Variants in PLA2R1 observed in about 807,000 individuals in gnomAD.
The protein encoded by PLA2R1 is secretory phospholipase A2 receptor.
A neutral mutation model predicts 195.9 loss-of-function variants in PLA2R1; 158 were observed. That is an observed-to-expected ratio of 0.81 (90% CI 0.71 to 0.92). The LOEUF (loss-of-function observed/expected upper bound fraction) is 0.92. Among genes scored for constraint, PLA2R1 ranks in the 40% least tolerant of loss-of-function variants. The pLI is 0.00. For missense variants in PLA2R1, 1,626 were observed against 1,764.6 expected (o/e 0.92, Z 1.41); for synonymous variants, 586 against 598.2 (o/e 0.98, Z 0.30).
chr2:159,998,393 T>C (rs1275500055), intron 11 of PLA2R1, among the ~76,000 whole-genome samples: 1 of 152,152 alleles, frequency 6.6e-6, no homozygotes, highest in Non-Finnish European at 1.5e-5. Context: ...AGAGATTAAA[T>C]AACTTCCCTG....
At chr2:159,945,232 T>C (rs1468025513) in intron 27 of PLA2R1, 150 bp from the exon 28 acceptor site, 5 of 270,954 alleles carry the variant, frequency 1.8e-5, no homozygotes, top group African/African-American at 4.5e-5. Context: ...AGTTTTAGGG[T>C]ACATGTGCAC....
In PLA2R1 at chr2:159,971,506, T is replaced by A. The variant is rs567021412; in HGVS notation, c.2596-1294A>T. 6.6e-5 allele frequency among the ~76,000 whole-genome samples: 10 copies of A among 151,628 alleles called. No homozygotes were observed. In the South Asian group the frequency reaches 2.1e-3, roughly 32 times the overall value. ...CACACACATACACACACACACACATTAGGGCAGATGTACTGACTTATGACC... is the reference window on the plus strand; with the variant it reads ...CACACACATACACACACACACACATAAGGGCAGATGTACTGACTTATGACC... On this transcript the variant is annotated intron_variant, in intron 17 of 29. Coordinates refer to ENST00000283243, the MANE Select transcript of PLA2R1 (RefSeq NM_007366.5).
In PLA2R1 at chr2:160,020,189, AAG is replaced by A. The variant is rs1693015901; in HGVS notation, c.1367_1368del (p.Ser456PhefsTer6). 3.7e-6 allele frequency: 6 copies of A among 1,608,536 alleles called. No homozygotes were observed. Among genetic ancestry groups the A allele is most frequent in the Non-Finnish European group, 5.1e-6 (6 of 1,175,002 alleles). ...GTGTGCCAATTAGTAAAGATGACTG[AAG>A]AGTCATTAGACCATTCAAAGGAAAC... ...IPVSFEWSNDSSVIFTNWHTL... is the reference protein window; with the variant it reads ...IPVSFEWSNDXSVIFTNWHTL... On this transcript the variant is annotated frameshift_variant, in exon 8 of 30. Coordinates refer to ENST00000283243, the MANE Select transcript of PLA2R1 (RefSeq NM_007366.5). LOFTEE classifies it high-confidence loss of function.
intron 20 of PLA2R1, among the ~76,000 whole-genome samples, chr2:159,967,317 A>C (rs1688855110): frequency 6.6e-6 from 1 of 152,212 alleles, no homozygotes; most frequent in Non-Finnish European, 1.5e-5. Context: ...AACTGAGTAT[A>C]GAAACGAGGG....
At chr2:160,024,287 T>G (rs60471867) in intron 6 of PLA2R1, among the ~76,000 whole-genome samples, 2 of 152,136 alleles carry the variant, frequency 1.3e-5, no homozygotes, top group Non-Finnish European at 1.5e-5. Context: ...ACCATCCCCA[T>G]GCCAAGCTGC....
intron 26 of PLA2R1, 104 bp downstream of exon 26, chr2:159,947,315 C>A: frequency 9.9e-7 from 1 of 1,005,846 alleles, no homozygotes; most frequent in East Asian, 2.5e-5. Context: ...TTTTGTTGCT[C>A]CTAAAGTCAC....
downstream of PLA2R1, among the ~76,000 whole-genome samples, chr2:159,928,335 T>C (rs1686529427): frequency 6.6e-6 from 1 of 152,194 alleles, no homozygotes; most frequent in Non-Finnish European, 1.5e-5. Context: ...CCTACAGCAA[T>C]GTTCCAGAGC....
chr2:159,962,818 A>C (rs1688537457), intron 20 of PLA2R1, among the ~76,000 whole-genome samples: 1 of 152,110 alleles, frequency 6.6e-6, no homozygotes, highest in Non-Finnish European at 1.5e-5. Flanking sequence ...CTCACTCATA[A>C]GTGGGAGCTA....
intron 9 of PLA2R1, among the ~76,000 whole-genome samples, chr2:160,013,666 CCTCTCTCTTTCTCTCTCT>C (rs1304439982): frequency 2.1e-5 from 2 of 95,108 alleles, no homozygotes; most frequent in Non-Finnish European, 2.5e-5. Context: ...AAGATCTCTA[CCTCTCTCTTTCTCTCTCT>C]CTCTCTCTCT....
intron 12 of PLA2R1, among the ~76,000 whole-genome samples, chr2:159,984,711 G>A (rs1317358188): frequency 2.6e-5 from 4 of 152,204 alleles, no homozygotes; most frequent in Non-Finnish European, 5.9e-5. Flanking sequence ...GTGGCAGGAA[G>A]AAGCCAGATG....
intron 9 of PLA2R1, 40 bp downstream of exon 9, chr2:160,016,574 G>T: frequency 1.1e-6 from 1 of 920,726 alleles, no homozygotes; most frequent in Non-Finnish European, 1.8e-6. Context: ...TTCTAGCTAT[G>T]AAGTCCCTGT....
rs1230354090 is a variant in PLA2R1, at chr2:159,939,532, A to C, written c.*2246T>G. 2 of 151,968 alleles carry C rather than the reference A, an allele frequency of 1.3e-5. No homozygotes were observed. Among genetic ancestry groups the C allele is most frequent in the East Asian group, 3.8e-4 (2 of 5,196 alleles). 9.4% of individuals were successfully genotyped at this position (151,968 alleles called of 1,614,324 possible). A position where few individuals can be genotyped will look rare whatever the true frequency, so the allele number is the denominator to read the frequency against. ...AAAAAAAAAAAAAAAAATGAAAAAA[A>C]GTTTCAAAAAAAATGCAAATATAAA... On this transcript the variant is annotated 3_prime_UTR_variant, in exon 30 of 30. Transcript: ENST00000283243.
intron 23 of PLA2R1, among the ~76,000 whole-genome samples, chr2:159,954,292 A>G (rs1255279896): frequency 6.6e-6 from 1 of 151,442 alleles, no homozygotes; most frequent in Non-Finnish European, 1.5e-5. Flanking sequence ...GCATGCTCAT[A>G]TTATTTCTTT....
chr2:159,938,887 G>A lies in PLA2R1; in HGVS notation c.*2891C>T, dbSNP rs1009947102. ...CTTCAAGAGAAGAAATATTTAACCCGAAAGAAGACTGTTGTAACTGTAAGA... is the reference window on the plus strand; with the variant it reads ...CTTCAAGAGAAGAAATATTTAACCCAAAAGAAGACTGTTGTAACTGTAAGA... On this transcript the variant is annotated 3_prime_UTR_variant, in exon 30 of 30. Transcript: ENST00000283243. 5.3e-5 allele frequency: 8 copies of A among 152,172 alleles called. No homozygotes were observed. The highest frequency in any genetic ancestry group is 3.4e-3 in the Middle Eastern group (1 of 294). 9.4% of individuals were successfully genotyped at this position (152,172 alleles called of 1,614,324 possible). A position where few individuals can be genotyped will look rare whatever the true frequency, so the allele number is the denominator to read the frequency against.
In PLA2R1 at chr2:160,020,348, A is replaced by AC. The variant is rs541731730; in HGVS notation, c.1295-86dup. On this transcript the variant is annotated intron_variant, in intron 7 of 29. Transcript: ENST00000283243. The stretch of plus-strand genomic sequence containing the variant: ...CCTGGAGTTATTACTAAAATATACC[A>AC]CTTCACATGTGATTTCTTCTTTATT... The AC allele has an allele frequency of 6.2e-4, 479 of 768,502 alleles. 4 individuals are homozygous for AC. The African/African-American group carries it at 7.1e-3, about 11-fold the overall frequency. The allele number at this position is 768,502 out of a possible 1,614,324, so 47.6% of individuals were successfully genotyped here.
At chr2:160,000,392 A>G (rs983627851) in intron 11 of PLA2R1, among the ~76,000 whole-genome samples, 4 of 152,326 alleles carry the variant, frequency 2.6e-5, no homozygotes, top group Non-Finnish European at 5.9e-5. Flanking sequence ...CTATGTGTTC[A>G]AGAAAACCTC....
rs1219493889 is a variant in PLA2R1, at chr2:160,044,814, A to G, written c.453T>C (p.Tyr151=). The change falls in exon 2 of 30, where the codon TAT becomes TAC. Residue 151 remains tyrosine, a synonymous_variant. Coordinates refer to ENST00000283243, the MANE Select transcript of PLA2R1 (RefSeq NM_007366.5). ...CACAAATGTCTCCACCACCTGACCC[A>G]TAAGAAATCCACTTATGAATATACT... ...SRKYIHKWIS[Y]GSGGGDICEY... is the part of the protein sequence containing the mutation. The G allele has an allele frequency of 6.2e-7, 1 of 1,613,818 alleles. No individual in the cohort carries two copies. Among genetic ancestry groups the G allele is most frequent in the Non-Finnish European group, 8.5e-7 (1 of 1,179,672 alleles).
At chr2:160,015,696 T>G (rs1370194875) in intron 9 of PLA2R1, among the ~76,000 whole-genome samples, 1 of 152,166 alleles carries the variant, frequency 6.6e-6, no homozygotes, top group Non-Finnish European at 1.5e-5. Flanking sequence ...GAGATTATAA[T>G]CATTAGATAA....
chr2:160,009,677 A>G (rs1405680986), intron 10 of PLA2R1, among the ~76,000 whole-genome samples: 1 of 148,822 alleles, frequency 6.7e-6, no homozygotes, highest in Non-Finnish European at 1.5e-5. Flanking sequence ...AATGACTAAC[A>G]TGGTGAATTT....
Sources: gnomAD v4.1 joint callset for allele counts (sites outside exome capture counted in the v4.1 genomes callset) on GRCh38, gnomAD v4.1.1 for gene constraint, MANE v1.5 for transcripts, NCBI Gene and HGNC (gene_info 2026-07-23, HGNC 2026-07-21) for gene names.